Variants in MKLN1 observed in about 807,000 individuals in gnomAD.
MKLN1 encodes the protein muskelin 1.
Under a neutral mutation model 99.0 loss-of-function variants are expected in MKLN1, and 18 were observed. That is an observed-to-expected ratio of 0.18 (90% CI 0.13 to 0.27). The LOEUF (loss-of-function observed/expected upper bound fraction) is 0.27. Ranked by LOEUF, MKLN1 falls within the 10% of genes least tolerant of loss-of-function variation. MKLN1 has a pLI of 1.00. For missense variants in MKLN1, 621 were observed against 875.9 expected (o/e 0.71, Z 3.67); for synonymous variants, 288 against 293.2 (o/e 0.98, Z 0.18).
chr7:131,430,362 C>T (rs562452005), intron 9 of MKLN1, among the ~76,000 whole-genome samples: 43 of 151,882 alleles, frequency 2.8e-4, no homozygotes, highest in Admixed American at 1.6e-3. Context: ...TTTCTTACCC[C>T]GGGAAAGTAT....
chr7:131,481,020 G>T (rs914735790), intron 17 of MKLN1, among the ~76,000 whole-genome samples: 3 of 152,098 alleles, frequency 2.0e-5, no homozygotes, highest in Non-Finnish European at 4.4e-5. Flanking sequence ...AATATATTTT[G>T]TCAGGAATAG....
intron 3 of MKLN1, among the ~76,000 whole-genome samples, chr7:131,226,865 G>A (rs1797155453): frequency 6.6e-6 from 1 of 152,052 alleles, no homozygotes. Flanking sequence ...TTTGAGTCTT[G>A]ATGAAGAATA....
chr7:131,371,311 A>G (rs973740340), intron 1 of MKLN1, among the ~76,000 whole-genome samples: 2 of 151,846 alleles, frequency 1.3e-5, no homozygotes, highest in Non-Finnish European at 2.9e-5. Flanking sequence ...CATTTTCTTT[A>G]TCTTTGGCAT....
chr7:131,121,005 T>C (rs1439291629), intron 1 of MKLN1, among the ~76,000 whole-genome samples: 1 of 152,196 alleles, frequency 6.6e-6, no homozygotes, highest in East Asian at 1.9e-4. Context: ...GGATAATTTA[T>C]AAAGAAAAGA....
intron 2 of MKLN1, among the ~76,000 whole-genome samples, chr7:131,181,937 G>A (rs1286119095): frequency 6.6e-6 from 1 of 152,134 alleles, no homozygotes; most frequent in Admixed American, 6.6e-5. Flanking sequence ...TAAGATTACA[G>A]GCGTGAGCCA....
At chr7:131,322,557 C>CTTTT (rs574246814) in intron 3 of MKLN1, among the ~76,000 whole-genome samples, 4 of 95,096 alleles carry the variant, frequency 4.2e-5, no homozygotes, top group Non-Finnish European at 6.4e-5. Context: ...CTGCCAAACA[C>CTTTT]TTTTTTTTTT....
At chr7:131,245,388 C>A in intron 3 of MKLN1, among the ~76,000 whole-genome samples, 1 of 152,020 alleles carries the variant, frequency 6.6e-6, no homozygotes, top group East Asian at 1.9e-4. Flanking sequence ...CTACCTCAGC[C>A]TCCCGAGTAG....
At chr7:131,312,242 C>G (rs1282674920) in intron 3 of MKLN1, among the ~76,000 whole-genome samples, 1 of 152,120 alleles carries the variant, frequency 6.6e-6, no homozygotes, top group East Asian at 1.9e-4. Context: ...AGGCTGGTCT[C>G]AAACTCCTGA....
chr7:131,340,186 C>G (rs1163402451), intron 1 of MKLN1, among the ~76,000 whole-genome samples: 1 of 151,888 alleles, frequency 6.6e-6, no homozygotes. Context: ...CCCCCTTTCC[C>G]CTTTGTTCTG....
chr7:131,387,260 C>T lies in MKLN1; in HGVS notation c.309C>T (p.Ser103=), dbSNP rs142447184. ...MNEENMTELL[S]SGLKNDYNKE... The stretch of plus-strand genomic sequence containing the variant: ...AAGAAAATATGACAGAGCTGTTGTC[C>T]AGGTGAGTTATGGTTATGTTGAAGA... Residue 103 remains serine, a splice_region_variant and synonymous_variant, in exon 3 of 18, where the codon TCC becomes TCT. Transcript: ENST00000352689. 10 of 1,607,988 alleles carry T rather than the reference C, an allele frequency of 6.2e-6. No individual in the cohort carries two copies. Among genetic ancestry groups the T allele is most frequent in the Non-Finnish European group, 8.5e-6 (10 of 1,177,870 alleles).
At chr7:131,211,558 C>G (rs1298723049) in intron 3 of MKLN1, among the ~76,000 whole-genome samples, 1 of 151,368 alleles carries the variant, frequency 6.6e-6, no homozygotes. Flanking sequence ...TGCCCCTACG[C>G]TTTTCACTTT....
chr7:131,271,452 A>G (rs893997453), intron 3 of MKLN1, among the ~76,000 whole-genome samples: 1 of 151,746 alleles, frequency 6.6e-6, no homozygotes, highest in Non-Finnish European at 1.5e-5. Flanking sequence ...CCGTGTCTCT[A>G]CTAAAAATAC....
intron 2 of MKLN1, among the ~76,000 whole-genome samples, chr7:131,148,835 A>G (rs1795850275): frequency 6.6e-6 from 1 of 152,230 alleles, no homozygotes; most frequent in Non-Finnish European, 1.5e-5. Flanking sequence ...TTAACAATTA[A>G]GTTGGTCTGG....
chr7:131,444,288 T>A (rs1168280040), intron 11 of MKLN1, among the ~76,000 whole-genome samples: 2 of 151,652 alleles, frequency 1.3e-5, no homozygotes, highest in Non-Finnish European at 2.9e-5. Context: ...CGGCTAATTT[T>A]TTGTATTTAG....
intron 3 of MKLN1, among the ~76,000 whole-genome samples, chr7:131,220,966 C>A (rs1797051454): frequency 6.6e-6 from 1 of 152,146 alleles, no homozygotes; most frequent in South Asian, 2.1e-4. Context: ...CTGTCCAGAA[C>A]CTGGCATGCA....
At chr7:131,457,855 C>T (rs1796396396) in intron 12 of MKLN1, among the ~76,000 whole-genome samples, 1 of 152,024 alleles carries the variant, frequency 6.6e-6, no homozygotes, top group Non-Finnish European at 1.5e-5. Context: ...GCGGAGATTG[C>T]AGTGAGCTGA....
At chr7:131,449,293 G>A (rs1160284670) in intron 12 of MKLN1, among the ~76,000 whole-genome samples, 2 of 152,198 alleles carry the variant, frequency 1.3e-5, no homozygotes, top group Non-Finnish European at 1.5e-5. Context: ...TTAGAGCTAC[G>A]GAGATAAGAG....
At chr7:131,211,615 T>C (rs370745522) in intron 3 of MKLN1, among the ~76,000 whole-genome samples, 1 of 148,814 alleles carries the variant, frequency 6.7e-6, no homozygotes. Flanking sequence ...TTTTTTTTTT[T>C]AACAGTTTTG....
intron 7 of MKLN1, among the ~76,000 whole-genome samples, chr7:131,412,894 T>C (rs1365844064): frequency 1.3e-5 from 2 of 152,216 alleles, no homozygotes; most frequent in East Asian, 3.8e-4. Flanking sequence ...GGAAAATTGC[T>C]TAAGAACCTC....
Sources: allele counts gnomAD v4.1 joint callset (sites outside exome capture counted in the v4.1 genomes callset), GRCh38; gene constraint gnomAD v4.1.1; transcripts MANE v1.5; gene names NCBI Gene and HGNC (gene_info 2026-07-23, HGNC 2026-07-21).